Variants in WDFY3 observed in about 807,000 individuals in gnomAD.
The protein encoded by WDFY3 is WD repeat and FYVE domain containing 3, also known as WD repeat and FYVE domain-containing protein 3.
WDFY3 carries 66 observed loss-of-function variants against 409.6 expected under a neutral mutation model. The observed-to-expected ratio is 0.16, with a 90% CI of 0.13 to 0.20. The LOEUF (loss-of-function observed/expected upper bound fraction) is 0.20, where lower values mean the gene tolerates loss of function less well. WDFY3 is among the 10% of genes least tolerant of loss of function. WDFY3 has a pLI of 1.00. For synonymous variants in WDFY3, 1,521 were observed against 1,537.1 expected, an observed-to-expected ratio of 0.99 and a Z score of 0.25; for missense variants, 3,031 against 4,298.1, an observed-to-expected ratio of 0.71 and a Z score of 8.24.
At chr4:84,920,782 C>T (rs750013004) in intron 2 of WDFY3, among the ~76,000 whole-genome samples, 1 of 152,144 alleles carries the variant, frequency 6.6e-6, no homozygotes, top group African/African-American at 2.4e-5. Context: ...CCTTCCGGTT[C>T]TATAACTCCC....
intron 33 of WDFY3, among the ~76,000 whole-genome samples, chr4:84,756,153 G>A (rs966969714): frequency 6.6e-6 from 1 of 152,166 alleles, no homozygotes; most frequent in Admixed American, 6.5e-5. Context: ...TTTTCCCAAT[G>A]TGGATGCTAT....
chr4:84,759,741 CG>C (rs1742179594), intron 32 of WDFY3, among the ~76,000 whole-genome samples: 1 of 151,238 alleles, frequency 6.6e-6, no homozygotes, highest in African/African-American at 2.4e-5. Flanking sequence ...ACAATCATGT[CG>C]TCTGCAAACA....
At chr4:84,936,475 C>T (rs549143050) in intron 1 of WDFY3, among the ~76,000 whole-genome samples, 28 of 152,094 alleles carry the variant, frequency 1.8e-4, no homozygotes, top group African/African-American at 6.5e-4. Flanking sequence ...GAGCTATGAA[C>T]GTGCCACTGC....
Position 84,774,936 on chromosome 4 carries a change from G to A in WDFY3, c.4638C>T (p.Ile1546=), listed in dbSNP as rs773355767. The A allele has an allele frequency of 2.0e-5, 33 of 1,613,826 alleles. No homozygotes were observed. In the South Asian group the frequency reaches 3.3e-4, roughly 16 times the overall value. The change falls in exon 29 of 68, where the codon ATC becomes ATT. Residue 1546 remains isoleucine, a synonymous_variant. Transcript: ENST00000295888. ...NAKLMREFQL[I]PKLLLTLRDM... ...CTCGAAGAGTCAGGAGCAGCTTTGGGATTAACTGGAATTCTCTCATTAATT... is the reference window on the plus strand; with the variant it reads ...CTCGAAGAGTCAGGAGCAGCTTTGGAATTAACTGGAATTCTCTCATTAATT...
chr4:84,741,935 G>C lies in WDFY3; in HGVS notation c.6074-14C>G. On this transcript the variant is annotated splice_polypyrimidine_tract_variant and intron_variant, in intron 37 of 67. Coordinates refer to ENST00000295888, the MANE Select transcript of WDFY3 (RefSeq NM_014991.6). ...ATGCATCTTCCCCTAAATTCCAGTA[G>C]GAAAAAAAGTCTAAGAAAATTGATA... The C allele has an allele frequency of 1.3e-6, 2 of 1,559,452 alleles. No homozygotes were observed. The highest frequency in any genetic ancestry group is 8.7e-7 in the Non-Finnish European group (1 of 1,148,252).
chr4:84,911,402 C>A (rs1224507916), intron 2 of WDFY3, among the ~76,000 whole-genome samples: 1 of 152,066 alleles, frequency 6.6e-6, no homozygotes, highest in Non-Finnish European at 1.5e-5. Flanking sequence ...CAACAGGATT[C>A]CTTGAGCCCA....
intron 44 of WDFY3, among the ~76,000 whole-genome samples, chr4:84,731,274 A>C (rs1388078857): frequency 6.6e-6 from 1 of 152,176 alleles, no homozygotes; most frequent in Non-Finnish European, 1.5e-5. Context: ...GGGATAATAG[A>C]TACTACCACT....
chr4:84,837,021 CA>C lies in WDFY3; in HGVS notation c.483del (p.Phe161LeufsTer19). ...STLVKCLYLF[F>X]DLPHVPEAVG... The stretch of plus-strand genomic sequence containing the variant: ...ACTGCCTCAGGCACATGTGGAAGGT[CA>C]AAAAACAGATATAAACATTTAACCA... On this transcript the variant is annotated frameshift_variant, in exon 7 of 68. Coordinates refer to ENST00000295888, the MANE Select transcript of WDFY3 (RefSeq NM_014991.6). LOFTEE classifies it high-confidence loss of function. The C allele has an allele frequency of 2.5e-6, 4 of 1,599,074 alleles. No homozygotes were observed. The highest frequency in any genetic ancestry group is 2.3e-5 in the South Asian group (2 of 87,472).
At chr4:84,816,780 T>C (rs1199910510) in intron 13 of WDFY3, among the ~76,000 whole-genome samples, 3 of 152,054 alleles carry the variant, frequency 2.0e-5, no homozygotes, top group Non-Finnish European at 4.4e-5. Context: ...TATAAAACAA[T>C]GGTGCTGTGG....
At chr4:84,718,398 A>G (rs1450205148) in intron 48 of WDFY3, 24 bp downstream of exon 48, 8 of 1,605,068 alleles carry the variant, frequency 5.0e-6, no homozygotes, top group Non-Finnish European at 6.8e-6. Context: ...GCCATACATT[A>G]TGTCTCTTCA....
rs375711536 is a variant in WDFY3, at chr4:84,896,718, A to T, written c.-32+193T>A. Reference sequence around the variant, plus strand: ...TCCTCCTTTAAATAGCCTATTAGAAACAGTTCTCAAGATACATTTTCTATT... The same window carrying T: ...TCCTCCTTTAAATAGCCTATTAGAATCAGTTCTCAAGATACATTTTCTATT... On this transcript the variant is annotated intron_variant, in intron 3 of 67. Coordinates refer to ENST00000295888, the MANE Select transcript of WDFY3 (RefSeq NM_014991.6). Among the ~76,000 whole-genome samples the T allele has an allele frequency of 3.9e-5, 6 of 152,328 alleles. No homozygotes were observed. In the South Asian group the frequency reaches 6.2e-4, roughly 16 times the overall value.
chr4:84,883,296 A>G (rs986518544), intron 3 of WDFY3, among the ~76,000 whole-genome samples: 1 of 152,194 alleles, frequency 6.6e-6, no homozygotes, highest in Non-Finnish European at 1.5e-5. Context: ...CTTATCAGTT[A>G]GCTTTTTAAT....
At chr4:84,733,231 C>T (rs1470294625) in intron 44 of WDFY3, 151 bp downstream of exon 44, 3 of 875,560 alleles carry the variant, frequency 3.4e-6, no homozygotes, top group Non-Finnish European at 5.3e-6. Context: ...CTTTTCACTC[C>T]ACCTCCACTC....
intron 61 of WDFY3, 40 bp downstream of exon 61, chr4:84,690,466 G>A: frequency 6.2e-7 from 1 of 1,613,710 alleles, no homozygotes; most frequent in African/African-American, 1.3e-5. Flanking sequence ...CACAGGAGAT[G>A]GACTATGTCC....
At chr4:84,947,949 T>C (rs1163011543) in intron 1 of WDFY3, among the ~76,000 whole-genome samples, 1 of 152,148 alleles carries the variant, frequency 6.6e-6, no homozygotes, top group Admixed American at 6.5e-5. Flanking sequence ...GCAACTCTGA[T>C]ATCTTCTGTT....
chr4:84,934,145 T>C (rs1771117333), intron 1 of WDFY3, among the ~76,000 whole-genome samples: 1 of 152,154 alleles, frequency 6.6e-6, no homozygotes, highest in African/African-American at 2.4e-5. Flanking sequence ...ATCAACAGTG[T>C]ACGAGGGTTC....
chr4:84,796,635 G>C lies in WDFY3; in HGVS notation c.3053C>G (p.Pro1018Arg). 1 of 1,613,980 alleles carries C rather than the reference G, an allele frequency of 6.2e-7. No individual in the cohort carries two copies. Among genetic ancestry groups the C allele is most frequent in the Non-Finnish European group, 8.5e-7 (1 of 1,179,966 alleles). Residue 1018 changes from proline (P) to arginine (R), a missense_variant, in exon 19 of 68, where the codon CCC becomes CGC. Physicochemically the swap from Pro to Arg is moderately radical, Grantham distance 103. Coordinates refer to ENST00000295888, the MANE Select transcript of WDFY3 (RefSeq NM_014991.6). ...LVKSAEGSTV[P>R]LTRVKCLVSM... Reference sequence around the variant, plus strand: ...GACCAGACACTTCACCCTGGTCAGGGGTACAGTACTTCCTTCCGCAGATTT... The same window carrying C: ...GACCAGACACTTCACCCTGGTCAGGCGTACAGTACTTCCTTCCGCAGATTT...
At chr4:84,696,242 G>A in intron 57 of WDFY3, 60 bp from the exon 58 acceptor site, 1 of 1,517,652 alleles carries the variant, frequency 6.6e-7, no homozygotes, top group Non-Finnish European at 9.0e-7. Context: ...TCAGAGACTA[G>A]AAAAACCTTG....
chr4:84,745,309 G>C (rs1011884100), intron 36 of WDFY3, among the ~76,000 whole-genome samples: 2 of 152,198 alleles, frequency 1.3e-5, no homozygotes, highest in Non-Finnish European at 2.9e-5. Context: ...CTTAAAAAGA[G>C]ATCTGTATGT....
Sources: gnomAD v4.1 joint callset for allele counts (sites outside exome capture counted in the v4.1 genomes callset) on GRCh38, gnomAD v4.1.1 for gene constraint, MANE v1.5 for transcripts, NCBI Gene and HGNC (gene_info 2026-07-23, HGNC 2026-07-21) for gene names.